ASXL3: variants seen among roughly 807,000 people sequenced by gnomAD.
ASXL3 encodes the protein ASXL transcriptional regulator 3, also known as putative Polycomb group protein ASXL3.
ASXL3 carries 34 observed loss-of-function variants against 170.6 expected under a neutral mutation model. The observed-to-expected ratio is 0.20, with a 90% CI of 0.15 to 0.27. The LOEUF (loss-of-function observed/expected upper bound fraction) is 0.27. ASXL3 is among the 10% of genes least tolerant of loss of function. ASXL3 has a pLI of 1.00. For synonymous variants in ASXL3, 1,002 were observed against 989.1 expected (o/e 1.01, Z -0.24); for missense variants, 2,592 against 2,695.3 (o/e 0.96, Z 0.85).
chr18:33,656,404 A>G (rs577537277), intron 4 of ASXL3, among the ~76,000 whole-genome samples: 1 of 152,168 alleles, frequency 6.6e-6, no homozygotes, highest in South Asian at 2.1e-4. Flanking sequence ...TAGGTCTTTG[A>G]GCACCAGTTT....
intron 2 of ASXL3, among the ~76,000 whole-genome samples, chr18:33,644,670 T>C (rs568139205): frequency 6.6e-6 from 1 of 152,094 alleles, no homozygotes; most frequent in South Asian, 2.1e-4. Context: ...TGAAGCCTTA[T>C]AAGACAGATG....
In ASXL3 at chr18:33,744,812, T is replaced by G; in HGVS notation, c.4964T>G (p.Leu1655Arg). Residue 1655 changes from leucine (L) to arginine (R), a missense_variant, in exon 12 of 12, where the codon CTT becomes CGT. Leu to Arg is a moderately radical substitution (Grantham distance 102). Coordinates refer to ENST00000269197, the MANE Select transcript of ASXL3 (RefSeq NM_030632.3). ...EHANYLNVSE[L>R]HPRNLVTNVA... is the part of the protein sequence containing the mutation. The stretch of plus-strand genomic sequence containing the variant: ...GCCAACTACTTGAACGTGTCAGAAC[T>G]TCATCCCAGGAATCTTGTAACAAAT... 4 of 1,614,012 alleles carry G rather than the reference T, an allele frequency of 2.5e-6. No homozygotes were observed. The highest frequency in any genetic ancestry group is 3.4e-6 in the Non-Finnish European group (4 of 1,179,884).
At chr18:33,686,103 A>T (rs1462070127) in intron 8 of ASXL3, among the ~76,000 whole-genome samples, 2 of 152,254 alleles carry the variant, frequency 1.3e-5, no homozygotes, top group Admixed American at 1.3e-4. Context: ...TGTGTTACTC[A>T]GTTTTTTGTA....
intron 10 of ASXL3, among the ~76,000 whole-genome samples, chr18:33,735,007 G>C (rs1381231729): frequency 6.6e-6 from 1 of 152,068 alleles, no homozygotes; most frequent in Non-Finnish European, 1.5e-5. Flanking sequence ...TTTGCCTCAG[G>C]TTTAACAGAG....
At chr18:33,620,950 G>A (rs1455453929) in intron 2 of ASXL3, among the ~76,000 whole-genome samples, 3 of 152,244 alleles carry the variant, frequency 2.0e-5, no homozygotes, top group African/African-American at 7.2e-5. Context: ...GCCAGGACTA[G>A]TTTCCACATG....
rs772621870 is a variant in ASXL3 at position 33,745,920 on chromosome 18, T to A, written c.6072T>A (p.Pro2024=). 1.8e-5 allele frequency: 12 copies of A among 651,644 alleles called. No individual in the cohort carries two copies. Among genetic ancestry groups the A allele is most frequent in the East Asian group, 1.0e-4 (1 of 9,536 alleles). 40.4% of individuals were successfully genotyped at this position (651,644 alleles called of 1,614,324 possible). ...LVHPPPPPPP[P]PPPPLALPPP... The stretch of plus-strand genomic sequence containing the variant: ...ATCCGCCGCCGCCACCGCCTCCCCC[T>A]CCCCCTCCACCCTTGGCTTTGCCCC... The change falls in exon 12 of 12, where the codon CCT becomes CCA. Residue 2024 remains proline, a synonymous_variant. Coordinates refer to ENST00000269197, the MANE Select transcript of ASXL3 (RefSeq NM_030632.3).
At position 33,637,932 on chromosome 18, in the gene ASXL3, T is replaced by C. The variant is rs572271098; in HGVS notation, c.138-6962T>C. On this transcript the variant is annotated intron_variant, in intron 2 of 11. Transcript: ENST00000269197. ...TCAGAAAATTTAGTTCAGCTCAGCC[T>C]ACATTTCTATTATGTGCAAAACACT... 4.6e-5 allele frequency among the ~76,000 whole-genome samples: 7 copies of C among 152,294 alleles called. No individual in the cohort carries two copies. In the South Asian group the frequency reaches 1.2e-3, roughly 27 times the overall value.
At chr18:33,581,845 A>G (rs2064995185) in intron 1 of ASXL3, among the ~76,000 whole-genome samples, 1 of 152,208 alleles carries the variant, frequency 6.6e-6, no homozygotes, top group Non-Finnish European at 1.5e-5. Context: ...GAAAGAAGGA[A>G]TGGTGGTACA....
At position 33,748,223 on chromosome 18, in the gene ASXL3, T is replaced by C. The variant is rs1316799403; in HGVS notation, c.*1628T>C. Reference sequence around the variant, plus strand: ...CTTTTTGACATTCCCGTAAAACACGTCTTAAAAGTTGACTGGAATGAGCAG... The same window carrying C: ...CTTTTTGACATTCCCGTAAAACACGCCTTAAAAGTTGACTGGAATGAGCAG... On this transcript the variant is annotated 3_prime_UTR_variant, in exon 12 of 12. Coordinates refer to ENST00000269197, the MANE Select transcript of ASXL3 (RefSeq NM_030632.3). 6.6e-6 allele frequency: 1 copy of C among 152,164 alleles called. No homozygotes were observed. Among genetic ancestry groups the C allele is most frequent in the African/African-American group, 2.4e-5 (1 of 41,442 alleles). 9.4% of individuals were successfully genotyped at this position (152,164 alleles called of 1,614,324 possible). A position where few individuals can be genotyped will look rare whatever the true frequency, so the allele number is the denominator to read the frequency against.
intron 2 of ASXL3, among the ~76,000 whole-genome samples, chr18:33,618,726 T>C (rs577559264): frequency 6.6e-6 from 1 of 152,244 alleles, no homozygotes; most frequent in African/African-American, 2.4e-5. Context: ...TTTAATGAGG[T>C]CTTTCAGCCT....
intron 3 of ASXL3, 37 bp from the exon 4 acceptor site, chr18:33,646,208 T>A: frequency 6.5e-7 from 1 of 1,542,312 alleles, no homozygotes; most frequent in Non-Finnish European, 8.9e-7. Flanking sequence ...TGCTAATACA[T>A]CTTCTCCATA....
intron 1 of ASXL3, among the ~76,000 whole-genome samples, chr18:33,598,769 GC>G (rs934938235): frequency 6.6e-6 from 1 of 152,172 alleles, no homozygotes; most frequent in African/African-American, 2.4e-5. Flanking sequence ...GTAAGAATCT[GC>G]AGGTATGACC....
intron 7 of ASXL3, among the ~76,000 whole-genome samples, chr18:33,681,592 T>G (rs2066516682): frequency 6.6e-6 from 1 of 151,994 alleles, no homozygotes; most frequent in African/African-American, 2.4e-5. Context: ...TTAAAAATGG[T>G]TTTAAGATAC....
At position 33,747,671 on chromosome 18, in the gene ASXL3, A is replaced by T. The variant is rs1031409076; in HGVS notation, c.*1076A>T. ...GACTACCCAAGGCTAAAGCGTCAAC[A>T]TTTTTCAGAACAATTGCTTTTCTCA... On this transcript the variant is annotated 3_prime_UTR_variant, in exon 12 of 12. Coordinates refer to ENST00000269197, the MANE Select transcript of ASXL3 (RefSeq NM_030632.3). 9.2e-5 allele frequency: 14 copies of T among 152,240 alleles called. No individual in the cohort carries two copies. The highest frequency in any genetic ancestry group is 8.5e-4 in the Admixed American group (13 of 15,292). The allele number at this position is 152,240 out of a possible 1,614,324, so 9.4% of individuals were successfully genotyped here.
chr18:33,735,788 C>T (rs879261059), intron 10 of ASXL3, among the ~76,000 whole-genome samples: 131 of 152,136 alleles, frequency 8.6e-4, no homozygotes, highest in Admixed American at 4.0e-3. Context: ...TAGTGATAGA[C>T]CCATTCTTTT....
At chr18:33,636,871 A>G (rs372703348) in intron 2 of ASXL3, among the ~76,000 whole-genome samples, 2 of 152,144 alleles carry the variant, frequency 1.3e-5, no homozygotes, top group African/African-American at 2.4e-5. Flanking sequence ...TGAAATCCTA[A>G]AAGGTCCTAT....
intron 8 of ASXL3, among the ~76,000 whole-genome samples, chr18:33,726,159 G>A (rs1041649163): frequency 1.3e-5 from 2 of 152,082 alleles, no homozygotes; most frequent in Non-Finnish European, 2.9e-5. Flanking sequence ...AGTTTTCTAC[G>A]TTTCATTCCT....
chr18:33,678,715 C>G (rs2066469435), intron 7 of ASXL3, among the ~76,000 whole-genome samples: 1 of 152,142 alleles, frequency 6.6e-6, no homozygotes, highest in Admixed American at 6.5e-5. Flanking sequence ...TTTTCCTTCT[C>G]TGGGTACTAT....
intron 1 of ASXL3, among the ~76,000 whole-genome samples, chr18:33,588,971 C>G (rs2065056056): frequency 6.6e-6 from 1 of 152,064 alleles, no homozygotes; most frequent in Non-Finnish European, 1.5e-5. Flanking sequence ...CTTCTGCCAC[C>G]TTCATCTTTT....
Sources: gnomAD v4.1 joint callset for allele counts (sites outside exome capture counted in the v4.1 genomes callset) on GRCh38, gnomAD v4.1.1 for gene constraint, MANE v1.5 for transcripts, NCBI Gene and HGNC (gene_info 2026-07-23, HGNC 2026-07-21) for gene names.